Variants in PDE4D observed in about 807,000 individuals in gnomAD.
The protein encoded by PDE4D is phosphodiesterase 4D.
PDE4D carries 24 observed loss-of-function variants against 87.4 expected under a neutral mutation model. The ratio of observed to expected loss-of-function variants is 0.27; its 90% CI spans 0.20 to 0.39. The LOEUF (loss-of-function observed/expected upper bound fraction) is 0.39. Among genes scored for constraint, PDE4D ranks in the 10% least tolerant of loss-of-function variants. The pLI is 1.00. For synonymous variants in PDE4D, 384 were observed against 383.2 expected (o/e 1.00, Z -0.02); for missense variants, 714 against 1,041.0 (o/e 0.69, Z 4.32).
intron 1 of PDE4D, among the ~76,000 whole-genome samples, chr5:59,498,243 C>T (rs561343514): frequency 1.7e-3 from 256 of 151,470 alleles, no homozygotes; most frequent in African/African-American, 5.6e-3. Context: ...GCAGATAGCC[C>T]ACAGGCCCTA....
intron 1 of PDE4D, among the ~76,000 whole-genome samples, chr5:60,506,727 C>T (rs1007795654): frequency 2.0e-5 from 3 of 151,722 alleles, no homozygotes; most frequent in South Asian, 2.1e-4. Context: ...ATTGAATTAA[C>T]GTGAAATAAC....
At chr5:59,408,823 C>T (rs1046462291) in intron 1 of PDE4D, among the ~76,000 whole-genome samples, 1 of 152,096 alleles carries the variant, frequency 6.6e-6, no homozygotes, top group African/African-American at 2.4e-5. Context: ...GGCCTGAAGT[C>T]ATTTCTTTTG....
chr5:59,188,058 T>A (rs1344604151), intron 3 of PDE4D, among the ~76,000 whole-genome samples: 2 of 152,156 alleles, frequency 1.3e-5, no homozygotes, highest in African/African-American at 4.8e-5. Context: ...ACAGTTTTAC[T>A]GAAGCCCCTA....
chr5:59,265,202 G>A (rs550992193), intron 1 of PDE4D, among the ~76,000 whole-genome samples: 1 of 152,084 alleles, frequency 6.6e-6, no homozygotes, highest in African/African-American at 2.4e-5. Context: ...TAATGCTCAG[G>A]TAGCTGACCA....
rs559864826 is a variant in PDE4D at position 59,706,766 on chromosome 5, G to T, written c.455+186402C>A. Among the ~76,000 whole-genome samples the T allele has an allele frequency of 2.6e-5, 4 of 152,166 alleles. No homozygotes were observed. In the East Asian group the frequency reaches 7.7e-4, roughly 29 times the overall value. On this transcript the variant is annotated intron_variant, in intron 1 of 14. Transcript: ENST00000340635. ...AGAAAGAACATAAAATTGACTATAA[G>T]GAAATATAAATCCTTTTCCGAGCTC...
intron 1 of PDE4D, among the ~76,000 whole-genome samples, chr5:60,305,363 C>T (rs16877868): frequency 0.06 from 9,190 of 151,958 alleles, 917 homozygotes; most frequent in African/African-American, 0.21. Context: ...TGAAGAAAGA[C>T]AGTGGGCTTA....
At chr5:59,929,672 G>C (rs1755680677) in intron 3 of PDE4D, among the ~76,000 whole-genome samples, 1 of 152,156 alleles carries the variant, frequency 6.6e-6, no homozygotes, top group African/African-American at 2.4e-5. Context: ...GTGTTCATCT[G>C]TGAAATACTT....
intron 5 of PDE4D, among the ~76,000 whole-genome samples, chr5:59,176,653 A>G (rs1320293098): frequency 6.6e-6 from 1 of 152,184 alleles, no homozygotes; most frequent in East Asian, 1.9e-4. Context: ...TCTATGTGAC[A>G]ACTCCTTAGA....
intron 1 of PDE4D, among the ~76,000 whole-genome samples, chr5:59,345,500 G>A (rs553559782): frequency 3.6e-4 from 55 of 152,190 alleles, no homozygotes; most frequent in East Asian, 9.7e-4. Context: ...ATATCAGATC[G>A]TTTCTTATTT....
chr5:60,429,800 C>G (rs1744041963), intron 1 of PDE4D: 1 of 324,986 alleles, frequency 3.1e-6, no homozygotes, highest in African/African-American at 2.2e-5. Context: ...GTCTTGCATC[C>G]TAGGGATAAA....
chr5:59,147,656 T>C (rs2153458316), intron 5 of PDE4D, among the ~76,000 whole-genome samples: 1 of 152,324 alleles, frequency 6.6e-6, no homozygotes, highest in African/African-American at 2.4e-5. Flanking sequence ...TTAAATGGCA[T>C]TTAGAATTTC....
intron 1 of PDE4D, among the ~76,000 whole-genome samples, chr5:59,241,505 A>G (rs879290980): frequency 5.6e-4 from 86 of 152,350 alleles, no homozygotes; most frequent in Non-Finnish European, 9.4e-4. Context: ...AGGCTGTTTC[A>G]GGTTTTAATG....
chr5:59,979,973 C>T (rs74288880), intron 3 of PDE4D, among the ~76,000 whole-genome samples: 32,427 of 151,910 alleles, frequency 0.21, 5,592 homozygotes, highest in African/African-American at 0.47. Context: ...ATTACTTCAT[C>T]CTTTAATGAA....
At chr5:59,900,121 C>T (rs1048334110) in intron 3 of PDE4D, among the ~76,000 whole-genome samples, 8 of 151,862 alleles carry the variant, frequency 5.3e-5, no homozygotes, top group African/African-American at 1.9e-4. Flanking sequence ...ACAACTGTAA[C>T]CCCAGCCTCT....
chr5:60,307,329 C>T (rs1040498765), intron 1 of PDE4D, among the ~76,000 whole-genome samples: 4 of 152,042 alleles, frequency 2.6e-5, no homozygotes, highest in African/African-American at 9.7e-5. Context: ...TATTATGACA[C>T]TAGCTCTAGA....
intron 1 of PDE4D, among the ~76,000 whole-genome samples, chr5:59,237,749 T>C (rs1756757924): frequency 6.6e-6 from 1 of 150,792 alleles, no homozygotes; most frequent in Non-Finnish European, 1.5e-5. Flanking sequence ...TTTCCTTCTT[T>C]ATCACATGGG....
At chr5:60,327,221 TA>T (rs1273612694) in intron 1 of PDE4D, among the ~76,000 whole-genome samples, 7 of 152,192 alleles carry the variant, frequency 4.6e-5, no homozygotes, top group Non-Finnish European at 4.4e-5. Context: ...TGGCCAAACC[TA>T]AATGCTGTTA....
At chr5:60,304,651 CAAAAAAAAAAAAA>C (rs70975379) in intron 1 of PDE4D, among the ~76,000 whole-genome samples, 27 of 60,086 alleles carry the variant, frequency 4.5e-4, no homozygotes, top group Admixed American at 9.1e-4. Context: ...GACTCCGTCT[CAAAAAAAAAAAAA>C]AAAAAAAAAA....
intron 1 of PDE4D, among the ~76,000 whole-genome samples, chr5:59,732,398 A>T (rs1309074785): frequency 6.7e-6 from 1 of 148,284 alleles, no homozygotes; most frequent in Non-Finnish European, 1.5e-5. Context: ...AGACATTCAC[A>T]CACACACACA....
Sources: gnomAD v4.1 joint callset for allele counts (sites outside exome capture counted in the v4.1 genomes callset) on GRCh38, gnomAD v4.1.1 for gene constraint, MANE v1.5 for transcripts, NCBI Gene and HGNC (gene_info 2026-07-23, HGNC 2026-07-21) for gene names.